C19orf44: variants seen among roughly 807,000 people sequenced by gnomAD.
The protein encoded by C19orf44 is uncharacterized protein C19orf44.
In C19orf44, 43 loss-of-function variants were observed where a neutral mutation model predicts 50.7. That is an observed-to-expected ratio of 0.85 (90% confidence interval 0.66 to 1.09). The LOEUF (loss-of-function observed/expected upper bound fraction) is 1.09. Ranked by LOEUF, C19orf44 falls within the 50% of genes least tolerant of loss-of-function variation. The pLI is 0.00. For missense variants in C19orf44, 722 were observed against 836.2 expected, an observed-to-expected ratio of 0.86 and a Z score of 1.68; for synonymous variants, 298 against 334.7, an observed-to-expected ratio of 0.89 and a Z score of 1.20.
intron 5 of C19orf44, among the ~76,000 whole-genome samples, chr19:16,512,521 A>C (rs539826015): frequency 1.3e-4 from 20 of 152,156 alleles, no homozygotes; most frequent in Non-Finnish European, 2.4e-4. Context: ...GAGCCAAGAA[A>C]ACCTAGCAGA....
In C19orf44 at chr19:16,519,104, G is replaced by T; in HGVS notation, c.*41-990G>T. ...GCAATCTTCCTCTGCCAGTCAGCCA[G>T]GAAGGTCCCACAGCCGGCACCGCTG... On this transcript the variant is annotated intron_variant, in intron 8 of 8. Transcript: ENST00000221671. The surrounding 1 kb of genome is among the most constrained non-coding windows in gnomAD (Gnocchi z 6.0). 6.6e-7 allele frequency: 1 copy of T among 1,505,126 alleles called. No homozygotes were observed. The allele number at this position is 1,505,126 out of a possible 1,614,324, so 93.2% of individuals were successfully genotyped here.
Position 16,520,333 on chromosome 19 carries a change from C to T in C19orf44, c.*280C>T. On this transcript the variant is annotated 3_prime_UTR_variant, in exon 9 of 9. Transcript: ENST00000221671. This position sits in a 1 kb window ranked among gnomAD's most constrained non-coding sequence, Gnocchi z 4.0. ...GTGGGGAGGCCACAGGAAGAGGCCT[C>T]AGGCACTGCCCTGAGGCAGCCTCTG... is the stretch of plus-strand genomic sequence containing the variant. 6.2e-7 allele frequency: 1 copy of T among 1,611,670 alleles called. No individual in the cohort carries two copies. The highest frequency in any genetic ancestry group is 8.5e-7 in the Non-Finnish European group (1 of 1,178,440).
chr19:16,507,395 C>G (rs1459625204), intron 4 of C19orf44, among the ~76,000 whole-genome samples: 1 of 152,004 alleles, frequency 6.6e-6, no homozygotes, highest in African/African-American at 2.4e-5. Flanking sequence ...CCGGCACTGT[C>G]AGATACACGT....
intron 1 of C19orf44, among the ~76,000 whole-genome samples, chr19:16,498,822 C>G (rs986399081): frequency 2.0e-5 from 3 of 151,946 alleles, no homozygotes; most frequent in Non-Finnish European, 4.4e-5. Context: ...AGGCGCCCAC[C>G]ACCGCGCCCG....
At position 16,520,620 on chromosome 19, in the gene C19orf44, G is replaced by A. The variant is rs1333971827; in HGVS notation, c.*567G>A. On this transcript the variant is annotated 3_prime_UTR_variant, in exon 9 of 9. Coordinates refer to ENST00000221671, the MANE Select transcript of C19orf44 (RefSeq NM_032207.4). The surrounding 1 kb of genome is among the most constrained non-coding windows in gnomAD (Gnocchi z 4.0). Reference sequence around the variant, plus strand: ...ATGCAGGGGCTCTGGCTGTGGATGTGGCGCCATAGCCACAGCAACGGTACC... The same window carrying A: ...ATGCAGGGGCTCTGGCTGTGGATGTAGCGCCATAGCCACAGCAACGGTACC... 7.6e-7 allele frequency: 1 copy of A among 1,310,844 alleles called. No individual in the cohort carries two copies. Among genetic ancestry groups the A allele is most frequent in the Non-Finnish European group, 1.1e-6 (1 of 938,274 alleles). The allele number at this position is 1,310,844 out of a possible 1,614,324, so 81.2% of individuals were successfully genotyped here. A position where few individuals can be genotyped will look rare whatever the true frequency, so the allele number is the denominator to read the frequency against.
intron 1 of C19orf44, among the ~76,000 whole-genome samples, chr19:16,497,643 C>T (rs1047145148): frequency 2.6e-5 from 4 of 152,154 alleles, no homozygotes; most frequent in African/African-American, 9.7e-5. Context: ...GCCACTGCGC[C>T]CGGCTTGGCT....
Position 16,519,787 on chromosome 19 carries a change from T to C in C19orf44, c.*41-307T>C. 1 of 1,305,478 alleles carries C rather than the reference T, an allele frequency of 7.7e-7. No homozygotes were observed. Among genetic ancestry groups the C allele is most frequent in the Non-Finnish European group, 1.1e-6 (1 of 899,732 alleles). The allele number at this position is 1,305,478 out of a possible 1,614,324, so 80.9% of individuals were successfully genotyped here. On this transcript the variant is annotated intron_variant, in intron 8 of 8. Transcript: ENST00000221671. The surrounding 1 kb of genome is among the most constrained non-coding windows in gnomAD (Gnocchi z 6.0). ...TATTGGAATGACAGTGATGAGGACC[T>C]CACAGCCGCAGCTTGCGTGCATGCT...
chr19:16,520,674 C>T lies in C19orf44; in HGVS notation c.*621C>T. On this transcript the variant is annotated 3_prime_UTR_variant, in exon 9 of 9. Transcript: ENST00000221671. This position sits in a 1 kb window ranked among gnomAD's most constrained non-coding sequence, Gnocchi z 4.0. ...TTCCTAAATAGTGTGGCCGAGCCTG[C>T]TGCTGTGTGAATTCAGGCCTTGTGG... 1 of 1,126,298 alleles carries T rather than the reference C, an allele frequency of 8.9e-7. No individual in the cohort carries two copies. The highest frequency in any genetic ancestry group is 1.3e-6 in the Non-Finnish European group (1 of 765,746). The allele number at this position is 1,126,298 out of a possible 1,614,324, so 69.8% of individuals were successfully genotyped here. A position where few individuals can be genotyped will look rare whatever the true frequency, so the allele number is the denominator to read the frequency against.
In C19orf44 at chr19:16,520,746, A is replaced by G; in HGVS notation, c.*693A>G. The stretch of plus-strand genomic sequence containing the variant: ...AGGCTGTGTGAGGGTGGACGTGATG[A>G]GTGTATCTGGGGTCTGCTCCCACCC... On this transcript the variant is annotated 3_prime_UTR_variant, in exon 9 of 9. Transcript: ENST00000221671. The surrounding 1 kb of genome is among the most constrained non-coding windows in gnomAD (Gnocchi z 4.0). The G allele has an allele frequency of 7.3e-7, 1 of 1,367,090 alleles. No individual in the cohort carries two copies. Among genetic ancestry groups the G allele is most frequent in the Non-Finnish European group, 1.0e-6 (1 of 961,538 alleles). The allele number at this position is 1,367,090 out of a possible 1,614,324, so 84.7% of individuals were successfully genotyped here.
At chr19:16,507,836 C>T (rs2093444839) in intron 4 of C19orf44, among the ~76,000 whole-genome samples, 1 of 151,172 alleles carries the variant, frequency 6.6e-6, no homozygotes, top group Non-Finnish European at 1.5e-5. Flanking sequence ...CAGAGTCTCG[C>T]TCTGCTGCCC....
At position 16,519,004 on chromosome 19, in the gene C19orf44, T is replaced by C; in HGVS notation, c.*41-1090T>C. On this transcript the variant is annotated intron_variant, in intron 8 of 8. Coordinates refer to ENST00000221671, the MANE Select transcript of C19orf44 (RefSeq NM_032207.4). This position sits in a 1 kb window ranked among gnomAD's most constrained non-coding sequence, Gnocchi z 6.0. ...ACGCCATGGAGCACGGCGTTCCCAC[T>C]GGGCATGCGCTGGTCTTCCTTCTCT... The C allele has an allele frequency of 1.4e-6, 1 of 722,004 alleles. No homozygotes were observed. Among genetic ancestry groups the C allele is most frequent in the Non-Finnish European group, 2.2e-6 (1 of 448,490 alleles). The allele number at this position is 722,004 out of a possible 1,614,324, so 44.7% of individuals were successfully genotyped here.
chr19:16,503,168 C>G lies in C19orf44; in HGVS notation c.863C>G (p.Thr288Ser). The change falls in exon 3 of 9, where the codon ACC becomes AGC. Residue 288 changes from threonine (T) to serine (S), a missense_variant. Physicochemically the swap from Thr to Ser is moderately conservative, Grantham distance 58 (BLOSUM62 1). Transcript: ENST00000221671. ...CCAACCTCCCTGGCAGCAGACAGAACCCTTCACAGCACTCGCTCAAGAGCA... is the reference window on the plus strand; with the variant it reads ...CCAACCTCCCTGGCAGCAGACAGAAGCCTTCACAGCACTCGCTCAAGAGCA... ...HLPTSLAADRTLHSTRSRADY... is the reference protein window; with the variant it reads ...HLPTSLAADRSLHSTRSRADY... 2.5e-6 allele frequency: 4 copies of G among 1,614,176 alleles called. No individual in the cohort carries two copies. Among genetic ancestry groups the G allele is most frequent in the Non-Finnish European group, 3.4e-6 (4 of 1,180,036 alleles).
At position 16,520,737 on chromosome 19, in the gene C19orf44, G is replaced by A. The variant is rs1199664566; in HGVS notation, c.*684G>A. On this transcript the variant is annotated 3_prime_UTR_variant, in exon 9 of 9. Transcript: ENST00000221671. This position sits in a 1 kb window ranked among gnomAD's most constrained non-coding sequence, Gnocchi z 4.0. The stretch of plus-strand genomic sequence containing the variant: ...CATAGGCACAGGCTGTGTGAGGGTG[G>A]ACGTGATGAGTGTATCTGGGGTCTG... 1.5e-6 allele frequency: 2 copies of A among 1,325,568 alleles called. No individual in the cohort carries two copies. Among genetic ancestry groups the A allele is most frequent in the East Asian group, 2.3e-5 (1 of 43,580 alleles). 82.1% of individuals were successfully genotyped at this position (1,325,568 alleles called of 1,614,324 possible). A position where few individuals can be genotyped will look rare whatever the true frequency, so the allele number is the denominator to read the frequency against.
At position 16,519,231 on chromosome 19, in the gene C19orf44, G is replaced by C. The variant is rs201942283; in HGVS notation, c.*41-863G>C. On this transcript the variant is annotated intron_variant, in intron 8 of 8. Coordinates refer to ENST00000221671, the MANE Select transcript of C19orf44 (RefSeq NM_032207.4). This position sits in a 1 kb window ranked among gnomAD's most constrained non-coding sequence, Gnocchi z 6.0. ...TCTTGTTCCTGCGGTAGTTCTCATA[G>C]GGGTCATCCAGAGCCACGCCCACGC... The C allele has an allele frequency of 1.2e-6, 2 of 1,614,072 alleles. No homozygotes were observed. The highest frequency in any genetic ancestry group is 1.7e-6 in the Non-Finnish European group (2 of 1,180,038).
Position 16,519,911 on chromosome 19 carries a change from C to G in C19orf44, c.*41-183C>G. On this transcript the variant is annotated intron_variant, in intron 8 of 8. Transcript: ENST00000221671. The surrounding 1 kb of genome is among the most constrained non-coding windows in gnomAD (Gnocchi z 6.0). The stretch of plus-strand genomic sequence containing the variant: ...GCTCCAGACGCTGGCCCCCACCCCA[C>G]GCTCAGCATTGAGAGCAGGACACCT... The G allele has an allele frequency of 1.5e-6, 1 of 664,624 alleles. No individual in the cohort carries two copies. Among genetic ancestry groups the G allele is most frequent in the South Asian group, 1.8e-5 (1 of 56,330 alleles). The allele number at this position is 664,624 out of a possible 1,614,324, so 41.2% of individuals were successfully genotyped here. A position where few individuals can be genotyped will look rare whatever the true frequency, so the allele number is the denominator to read the frequency against.
chr19:16,509,132 A>T (rs921897628), intron 4 of C19orf44, among the ~76,000 whole-genome samples: 1 of 146,562 alleles, frequency 6.8e-6, no homozygotes, highest in Admixed American at 6.8e-5. Context: ...AAATTTTTTA[A>T]TTTTTTTTTT....
rs539818641 is a variant in C19orf44 at position 16,509,573 on chromosome 19, G to A, written c.1224G>A (p.Pro408=). The A allele has an allele frequency of 8.1e-6, 13 of 1,612,636 alleles. No homozygotes were observed. The highest frequency in any genetic ancestry group is 2.7e-5 in the African/African-American group (2 of 74,922). Residue 408 remains proline, a synonymous_variant, in exon 5 of 9, where the codon CCG becomes CCA. Coordinates refer to ENST00000221671, the MANE Select transcript of C19orf44 (RefSeq NM_032207.4). The part of the protein sequence containing the change: ...RAEASTGQDA[P]RQAQARSWAS... The stretch of plus-strand genomic sequence containing the variant: ...AGGCGTCCACTGGGCAGGATGCCCC[G>A]AGGCAGGCCCAGGCGAGGAGCTGGG...
At chr19:16,506,277 G>A (rs1428758386) in intron 3 of C19orf44, among the ~76,000 whole-genome samples, 4 of 151,390 alleles carry the variant, frequency 2.6e-5, no homozygotes, top group Non-Finnish European at 4.4e-5. Context: ...GCCTGGCCAT[G>A]TCTTCATATC....
chr19:16,519,547 A>G lies in C19orf44; in HGVS notation c.*41-547A>G. 7.1e-7 allele frequency: 1 copy of G among 1,398,616 alleles called. No individual in the cohort carries two copies. The highest frequency in any genetic ancestry group is 1.2e-5 in the South Asian group (1 of 86,258). 86.6% of individuals were successfully genotyped at this position (1,398,616 alleles called of 1,614,324 possible). On this transcript the variant is annotated intron_variant, in intron 8 of 8. Coordinates refer to ENST00000221671, the MANE Select transcript of C19orf44 (RefSeq NM_032207.4). The surrounding 1 kb of genome is among the most constrained non-coding windows in gnomAD (Gnocchi z 6.0). ...TCCATCCCCACATGCACTGAGGAAG[A>G]GAAAGCGCTGGTGACTCCCGGGCCC...
Sources: gnomAD v4.1 joint callset for allele counts (sites outside exome capture counted in the v4.1 genomes callset) on GRCh38, gnomAD v4.1.1 for gene constraint, Gnocchi (gnomAD v3.1) non-coding constraint, MANE v1.5 for transcripts, NCBI Gene and HGNC (gene_info 2026-07-23, HGNC 2026-07-21) for gene names.